Variants in RIMBP2 observed in about 807,000 individuals in gnomAD.
RIMBP2 encodes RIMS binding protein 2.
A neutral mutation model predicts 118.6 loss-of-function variants in RIMBP2; 48 were observed. The ratio of observed to expected loss-of-function variants is 0.40; its 90% CI spans 0.32 to 0.51. The LOEUF is 0.51. RIMBP2 is among the 20% of genes least tolerant of loss of function. The probability of loss-of-function intolerance (pLI) is 0.41; values close to 1 mark genes in which losing one functional copy is unlikely to be tolerated. For synonymous variants in RIMBP2, 762 were observed against 742.9 expected (o/e 1.03, Z -0.42); for missense variants, 1,551 against 1,768.3 (o/e 0.88, Z 2.20).
intron 1 of RIMBP2, among the ~76,000 whole-genome samples, chr12:130,678,103 C>T (rs562761201): frequency 5.9e-5 from 9 of 152,212 alleles, no homozygotes; most frequent in Non-Finnish European, 1.3e-4. Context: ...CTTTCCTTAT[C>T]GAAGTCCCTC....
At chr12:130,551,965 T>C (rs1485473427) in intron 2 of RIMBP2, among the ~76,000 whole-genome samples, 1 of 152,086 alleles carries the variant, frequency 6.6e-6, no homozygotes, top group Non-Finnish European at 1.5e-5. Context: ...CAAAACTGCA[T>C]CCAGTGATTT....
Position 130,622,759 on chromosome 12 carries a change from C to A in RIMBP2, c.-217+5563G>T, listed in dbSNP as rs1194483098. On this transcript the variant is annotated intron_variant, in intron 2 of 22. Transcript: ENST00000690449. The surrounding 1 kb of genome is among the most constrained non-coding windows in gnomAD (Gnocchi z 8.5). ...CTCTTGGAAATATTGGGCTAGTTGG[C>A]AGATTTAGGCAATGCCTCCACTAGG... is the stretch of plus-strand genomic sequence containing the variant. Among the ~76,000 whole-genome samples the A allele has an allele frequency of 6.6e-6, 1 of 152,152 alleles. No individual in the cohort carries two copies. The highest frequency in any genetic ancestry group is 2.4e-5 in the African/African-American group (1 of 41,426).
chr12:130,571,604 G>A (rs1210626121), intron 2 of RIMBP2, among the ~76,000 whole-genome samples: 2 of 152,006 alleles, frequency 1.3e-5, no homozygotes, highest in African/African-American at 2.4e-5. Flanking sequence ...ATTTTTAATA[G>A]AGACGGGGTT....
intron 2 of RIMBP2, among the ~76,000 whole-genome samples, chr12:130,592,371 T>C (rs186442176): frequency 6.6e-6 from 1 of 152,294 alleles, no homozygotes; most frequent in African/African-American, 2.4e-5. Flanking sequence ...CCCCTTTGCC[T>C]GTGGGCACTT....
At chr12:130,532,993 G>A (rs112260192) in intron 2 of RIMBP2, among the ~76,000 whole-genome samples, 31 of 131,982 alleles carry the variant, frequency 2.3e-4, no homozygotes, top group Admixed American at 9.6e-4. Flanking sequence ...AATGAGATGC[G>A]TATGTTTAGC....
chr12:130,436,430 T>C (rs1384986235), intron 13 of RIMBP2, among the ~76,000 whole-genome samples: 2 of 152,138 alleles, frequency 1.3e-5, no homozygotes, highest in African/African-American at 4.8e-5. Context: ...TGCATGTGTG[T>C]GTATATATTT....
chr12:130,410,015 A>T (rs1314246001), intron 19 of RIMBP2, among the ~76,000 whole-genome samples: 1 of 152,228 alleles, frequency 6.6e-6, no homozygotes, highest in Non-Finnish European at 1.5e-5. Flanking sequence ...TTTCACCAGC[A>T]TGCACAGGCC....
intron 1 of RIMBP2, among the ~76,000 whole-genome samples, chr12:130,642,594 T>A (rs1566417909): frequency 6.6e-6 from 1 of 152,198 alleles, no homozygotes; most frequent in East Asian, 1.9e-4. Context: ...CTGGGTTTAG[T>A]CTTATAAGTC....
chr12:130,431,707 G>A lies in RIMBP2; in HGVS notation c.2253+3027C>T, dbSNP rs542345502. The A allele has an allele frequency of 6.5e-6, 1 of 154,598 alleles. No homozygotes were observed. The highest frequency in any genetic ancestry group is 1.9e-4 in the East Asian group (1 of 5,294). 9.6% of individuals were successfully genotyped at this position (154,598 alleles called of 1,614,324 possible). A position where few individuals can be genotyped will look rare whatever the true frequency, so the allele number is the denominator to read the frequency against. ...TTTGCTCTGTTAAAAAACAAAACAA[G>A]CAGGAAAACGTGTTAATAGCATGCT... On this transcript the variant is annotated intron_variant, in intron 14 of 22. Coordinates refer to ENST00000690449, the MANE Select transcript of RIMBP2 (RefSeq NM_001393629.1). This position sits in a 1 kb window ranked among gnomAD's most constrained non-coding sequence, Gnocchi z 4.0.
At chr12:130,713,991 C>G (rs1461748876) in intron 1 of RIMBP2, among the ~76,000 whole-genome samples, 1 of 152,200 alleles carries the variant, frequency 6.6e-6, no homozygotes, top group Non-Finnish European at 1.5e-5. Flanking sequence ...TGCGGATTCC[C>G]GGCTCCTCCC....
intron 19 of RIMBP2, among the ~76,000 whole-genome samples, chr12:130,411,471 G>A (rs747213432): frequency 1.2e-4 from 18 of 152,176 alleles, no homozygotes; most frequent in Non-Finnish European, 2.2e-4. Context: ...CATTAAGGAT[G>A]ATAGTTTCTG....
At chr12:130,639,260 G>A (rs1459371542) in intron 1 of RIMBP2, among the ~76,000 whole-genome samples, 1 of 151,706 alleles carries the variant, frequency 6.6e-6, no homozygotes, top group African/African-American at 2.4e-5. Context: ...ATGGTGGCAG[G>A]CACCTGTAAT....
chr12:130,697,648 C>A (rs1029659071), intron 1 of RIMBP2, among the ~76,000 whole-genome samples: 1 of 152,130 alleles, frequency 6.6e-6, no homozygotes. Context: ...TGCCATCAAC[C>A]TTCATCAAGA....
intron 1 of RIMBP2, among the ~76,000 whole-genome samples, chr12:130,649,422 G>A (rs1454445419): frequency 6.6e-6 from 1 of 152,212 alleles, no homozygotes; most frequent in Non-Finnish European, 1.5e-5. Flanking sequence ...GTACTGGGAA[G>A]GGCGGCGCCT....
intron 4 of RIMBP2, among the ~76,000 whole-genome samples, chr12:130,495,091 C>T (rs2049018963): frequency 6.6e-6 from 1 of 152,232 alleles, no homozygotes; most frequent in Non-Finnish European, 1.5e-5. Flanking sequence ...AGGGCCTGCC[C>T]TACTCCAAGA....
intron 2 of RIMBP2, among the ~76,000 whole-genome samples, chr12:130,535,760 T>C (rs112887717): frequency 7.4e-4 from 38 of 51,182 alleles, no homozygotes; most frequent in Admixed American, 7.3e-4. Flanking sequence ...TATATATATA[T>C]ATATATATAT....
In RIMBP2 at chr12:130,523,900, T is replaced by C. The variant is rs1269786288; in HGVS notation, c.-216-5983A>G. On this transcript the variant is annotated intron_variant, in intron 2 of 22. Coordinates refer to ENST00000690449, the MANE Select transcript of RIMBP2 (RefSeq NM_001393629.1). This position sits in a 1 kb window ranked among gnomAD's most constrained non-coding sequence, Gnocchi z 4.4. Reference sequence around the variant, plus strand: ...CTGGTCTCAGAGGTGGGGAAGAGGGTCCACCCAGCACAAATACATAACAAA... The same window carrying C: ...CTGGTCTCAGAGGTGGGGAAGAGGGCCCACCCAGCACAAATACATAACAAA... Among the ~76,000 whole-genome samples the C allele has an allele frequency of 6.6e-6, 1 of 151,950 alleles. No individual in the cohort carries two copies. Among genetic ancestry groups the C allele is most frequent in the African/African-American group, 2.4e-5 (1 of 41,356 alleles).
intron 2 of RIMBP2, among the ~76,000 whole-genome samples, chr12:130,558,837 C>T (rs1057390193): frequency 3.0e-4 from 2 of 6,666 alleles, no homozygotes; most frequent in Non-Finnish European, 0.017. Flanking sequence ...CTTTTCCTTG[C>T]TAAAATGTTA....
At chr12:130,650,462 C>G (rs2063184281) in intron 1 of RIMBP2, among the ~76,000 whole-genome samples, 1 of 152,252 alleles carries the variant, frequency 6.6e-6, no homozygotes. Context: ...CACTTGTTTT[C>G]TTTATCTGTG....
Sources: gnomAD v4.1 joint callset for allele counts (sites outside exome capture counted in the v4.1 genomes callset) on GRCh38, gnomAD v4.1.1 for gene constraint, Gnocchi (gnomAD v3.1) non-coding constraint, MANE v1.5 for transcripts, NCBI Gene and HGNC (gene_info 2026-07-23, HGNC 2026-07-21) for gene names.